The following SPEN variants were observed in gnomAD, a reference collection of about 807,000 sequenced individuals.
SPEN encodes msx2-interacting protein.
A neutral mutation model predicts 269.9 loss-of-function variants in SPEN; 18 were observed. That is an observed-to-expected ratio of 0.07 (90% CI 0.05 to 0.10). SPEN has a LOEUF of 0.10. SPEN is among the 10% of genes least tolerant of loss of function. SPEN has a pLI of 1.00. For missense variants in SPEN, 3,822 were observed against 4,631.2 expected (o/e 0.83, Z 5.07); for synonymous variants, 1,726 against 1,765.7 (o/e 0.98, Z 0.56).
intron 3 of SPEN, among the ~76,000 whole-genome samples, chr1:15,898,796 CA>C (rs1312767951): frequency 6.6e-5 from 10 of 152,108 alleles, no homozygotes; most frequent in African/African-American, 2.4e-4. Flanking sequence ...TTCCTGATCT[CA>C]GGTGATCCGT....
intron 4 of SPEN, 109 bp from the exon 5 acceptor site, chr1:15,910,992 C>A: frequency 1.1e-6 from 1 of 911,314 alleles, no homozygotes; most frequent in Non-Finnish European, 1.7e-6. Context: ...TATTACCTGT[C>A]TGACATGAAC....
In SPEN at chr1:15,936,132, T is replaced by C; in HGVS notation, c.9892T>C (p.Ser3298Pro). ...GACCCATGGGGTGCAGATTGTGCAC[T>C]CCAGCGGGGAGCTGTTTCAAGAGTA... ...VVTHGVQIVH[S>P]SGELFQEYRY... The change falls in exon 11 of 15, where the codon TCC (serine) becomes CCC (proline). Residue 3298 changes from serine to proline, a missense_variant. Coordinates refer to ENST00000375759, the MANE Select transcript of SPEN (RefSeq NM_015001.3). 2 of 1,611,514 alleles carry C rather than the reference T, an allele frequency of 1.2e-6. No individual in the cohort carries two copies. Among genetic ancestry groups the C allele is most frequent in the Non-Finnish European group, 1.7e-6 (2 of 1,178,160 alleles).
rs767548101 is a variant in SPEN at position 15,936,258 on chromosome 1, G to C, written c.10018G>C (p.Ala3340Pro). 9.7e-6 allele frequency: 15 copies of C among 1,543,114 alleles called. No individual in the cohort carries two copies. Among genetic ancestry groups the C allele is most frequent in the Non-Finnish European group, 1.3e-5 (15 of 1,136,970 alleles). ...TGGCCTGCCTTCCCGGACCAAGACA[G>C]CTGCTCAGGTGAGCCAGCCAGGTAT... ...SVGLPSRTKT[A>P]AQGPPPEGEP... Residue 3340 changes from alanine (A) to proline (P), a missense_variant, in exon 11 of 15, where the codon GCT (alanine) becomes CCT (proline). Physicochemically the swap from Ala to Pro is conservative, Grantham distance 27. Coordinates refer to ENST00000375759, the MANE Select transcript of SPEN (RefSeq NM_015001.3).
At chr1:15,923,023 A>G (rs779895356) in intron 10 of SPEN, among the ~76,000 whole-genome samples, 3 of 152,232 alleles carry the variant, frequency 2.0e-5, no homozygotes, top group Non-Finnish European at 4.4e-5. Flanking sequence ...AAATGGCTAC[A>G]TATTTAGTAA....
At chr1:15,896,938 A>G (rs1395281979) in intron 3 of SPEN, among the ~76,000 whole-genome samples, 1 of 152,156 alleles carries the variant, frequency 6.6e-6, no homozygotes, top group Admixed American at 6.6e-5. Flanking sequence ...TCTGCACTCC[A>G]GCCTGGATGA....
At position 15,935,435 on chromosome 1, in the gene SPEN, C is replaced by T; in HGVS notation, c.9195C>T (p.Pro3065=). 6.2e-7 allele frequency: 1 copy of T among 1,614,132 alleles called. No homozygotes were observed. Among genetic ancestry groups the T allele is most frequent in the Non-Finnish European group, 8.5e-7 (1 of 1,180,020 alleles). ...TVMLAAGIPV[P]QFISSIHPEQ... ...TGCTGGCTGCAGGCATCCCAGTGCC[C>T]CAGTTCATCTCCAGCATCCACCCAG... The change falls in exon 11 of 15, where the codon CCC becomes CCT. Residue 3065 remains proline, a synonymous_variant. Coordinates refer to ENST00000375759, the MANE Select transcript of SPEN (RefSeq NM_015001.3). This position sits in a 1 kb window ranked among gnomAD's most constrained non-coding sequence, Gnocchi z 7.7.
At chr1:15,873,386 C>T (rs2148710885) in intron 2 of SPEN, 1 of 1,201,162 alleles carries the variant, frequency 8.3e-7, no homozygotes, top group East Asian at 3.6e-5. Context: ...ATGGAAGCTT[C>T]ATTTTTGGAG....
intron 1 of SPEN, among the ~76,000 whole-genome samples, chr1:15,867,506 G>A (rs970829119): frequency 1.3e-5 from 2 of 152,048 alleles, no homozygotes; most frequent in Non-Finnish European, 2.9e-5. Flanking sequence ...CTCATGCCAC[G>A]TTTTTTATCC....
chr1:15,893,531 G>A (rs2070809671), intron 3 of SPEN, among the ~76,000 whole-genome samples: 3 of 152,236 alleles, frequency 2.0e-5, no homozygotes, highest in Non-Finnish European at 2.9e-5. Flanking sequence ...ACCAAATAGC[G>A]GATGGCTTAG....
At chr1:15,858,902 C>T (rs1443350676) in intron 1 of SPEN, among the ~76,000 whole-genome samples, 1 of 152,212 alleles carries the variant, frequency 6.6e-6, no homozygotes, top group Non-Finnish European at 1.5e-5. Flanking sequence ...CGATACTGCG[C>T]TGCCGCACTC....
At chr1:15,897,229 G>A (rs952728265) in intron 3 of SPEN, among the ~76,000 whole-genome samples, 8 of 151,842 alleles carry the variant, frequency 5.3e-5, no homozygotes, top group African/African-American at 1.7e-4. Context: ...TCGCTTTGTC[G>A]CCCAGGCTGG....
chr1:15,931,612 C>G lies in SPEN; in HGVS notation c.5372C>G (p.Ala1791Gly), dbSNP rs2071221754. Residue 1791 changes from alanine to glycine, a missense_variant, in exon 11 of 15, where the codon GCC (alanine) becomes GGC (glycine). This residue lies in a region of SPEN where 533 missense variants were observed against 618.8 expected (regional missense o/e 0.86). Coordinates refer to ENST00000375759, the MANE Select transcript of SPEN (RefSeq NM_015001.3). The surrounding 1 kb of genome is among the most constrained non-coding windows in gnomAD (Gnocchi z 4.8). Reference protein sequence around the residue: ...ADAEPDANQKAEAAPESQPPA... With the variant: ...ADAEPDANQKGEAAPESQPPA... ...GCTGAGCCTGATGCAAACCAGAAAG[C>G]CGAAGCTGCTCCTGAGTCTCAGCCC... is the stretch of plus-strand genomic sequence containing the variant. 6.2e-7 allele frequency: 1 copy of G among 1,614,096 alleles called. No homozygotes were observed.
intron 1 of SPEN, among the ~76,000 whole-genome samples, chr1:15,859,451 G>A (rs1399212137): frequency 1.4e-5 from 2 of 146,794 alleles, no homozygotes; most frequent in East Asian, 4.0e-4. Context: ...TCCGCCTCCT[G>A]GGTTCACACC....
chr1:15,937,712 T>G lies in SPEN; in HGVS notation c.10509+67T>G. The stretch of plus-strand genomic sequence containing the variant: ...TATGCCATGTCAAATGTCCTAAGAT[T>G]CCCTAGTTAACAGACCCACAAGCTA... On this transcript the variant is annotated intron_variant, in intron 12 of 14. Coordinates refer to ENST00000375759, the MANE Select transcript of SPEN (RefSeq NM_015001.3). This position sits in a 1 kb window ranked among gnomAD's most constrained non-coding sequence, Gnocchi z 5.7. The G allele has an allele frequency of 1.2e-6, 2 of 1,605,966 alleles. No individual in the cohort carries two copies. Among genetic ancestry groups the G allele is most frequent in the Non-Finnish European group, 1.7e-6 (2 of 1,174,834 alleles).
At position 15,937,048 on chromosome 1, in the gene SPEN, A is replaced by G; in HGVS notation, c.10027-115A>G. 6.9e-7 allele frequency: 1 copy of G among 1,454,994 alleles called. No individual in the cohort carries two copies. Among genetic ancestry groups the G allele is most frequent in the Non-Finnish European group, 9.3e-7 (1 of 1,080,828 alleles). 90.1% of individuals were successfully genotyped at this position (1,454,994 alleles called of 1,614,324 possible). The stretch of plus-strand genomic sequence containing the variant: ...CAGGCTCCTTCTGTGGGCCTGACTT[A>G]ACGGGAGATGCCACATCTTATCCTT... On this transcript the variant is annotated intron_variant, in intron 11 of 14. Coordinates refer to ENST00000375759, the MANE Select transcript of SPEN (RefSeq NM_015001.3). The surrounding 1 kb of genome is among the most constrained non-coding windows in gnomAD (Gnocchi z 5.7).
intron 1 of SPEN, among the ~76,000 whole-genome samples, chr1:15,868,901 A>G (rs192230017): frequency 3.9e-5 from 6 of 152,304 alleles, no homozygotes; most frequent in African/African-American, 1.4e-4. Context: ...TTATGTTCAA[A>G]TTGTAGGAGT....
chr1:15,909,170 G>GTC (rs879408223), intron 3 of SPEN, 151 bp from the exon 4 acceptor site: 4 of 686,630 alleles, frequency 5.8e-6, no homozygotes, highest in Non-Finnish European at 9.5e-6. Flanking sequence ...CACCTCTGAA[G>GTC]GTAGAGTACG....
intron 1 of SPEN, among the ~76,000 whole-genome samples, chr1:15,854,503 T>C (rs1569962744): frequency 6.6e-6 from 1 of 152,182 alleles, no homozygotes; most frequent in Non-Finnish European, 1.5e-5. Flanking sequence ...TTGTTTGTTT[T>C]TGAGACGGAG....
At chr1:15,895,469 C>T (rs1490024790) in intron 3 of SPEN, among the ~76,000 whole-genome samples, 1 of 152,130 alleles carries the variant, frequency 6.6e-6, no homozygotes, top group Non-Finnish European at 1.5e-5. Context: ...ATTTTCAAGG[C>T]TCATCTGTCT....
Sources: gnomAD v4.1 joint callset for allele counts (sites outside exome capture counted in the v4.1 genomes callset) on GRCh38, gnomAD v4.1.1 for gene constraint, gnomAD v4.1.1 regional missense constraint, Gnocchi (gnomAD v3.1) non-coding constraint, MANE v1.5 for transcripts, NCBI Gene and HGNC (gene_info 2026-07-23, HGNC 2026-07-21) for gene names.